The following TINAG variants were observed in gnomAD, a reference collection of about 807,000 sequenced individuals.
TINAG encodes tubulointerstitial nephritis antigen.
Under a neutral mutation model 72.7 loss-of-function variants are expected in TINAG, and 83 were observed. The ratio of observed to expected loss-of-function variants is 1.14; its 90% CI spans 0.96 to 1.37. The LOEUF is 1.37. Ranked by LOEUF, TINAG falls within the 40% of genes most tolerant of loss-of-function variation. The pLI is 0.00. For missense variants in TINAG, 685 were observed against 576.6 expected, an observed-to-expected ratio of 1.19 and a Z score of -1.93; for synonymous variants, 234 against 189.9, an observed-to-expected ratio of 1.23 and a Z score of -1.91.
In TINAG at chr6:54,326,921, G is replaced by T; in HGVS notation, c.624+5G>T. On this transcript the variant is annotated splice_donor_5th_base_variant and intron_variant, in intron 4 of 10. Coordinates refer to ENST00000259782, the MANE Select transcript of TINAG (RefSeq NM_014464.4). ...CTGAGCATGAATGAAATGACAGTAA[G>T]TGTTCCTTCTGATTCACGTATGTGC... is the stretch of plus-strand genomic sequence containing the variant. The T allele has an allele frequency of 6.2e-7, 1 of 1,613,220 alleles. No homozygotes were observed. Among genetic ancestry groups the T allele is most frequent in the Non-Finnish European group, 8.5e-7 (1 of 1,179,808 alleles).
intron 5 of TINAG, 50 bp from the exon 6 acceptor site, chr6:54,347,317 A>G (rs1222325641): frequency 1.6e-5 from 25 of 1,590,660 alleles, no homozygotes; most frequent in Non-Finnish European, 2.0e-5. Flanking sequence ...GTACCTTATT[A>G]GAAATACCGT....
intron 4 of TINAG, among the ~76,000 whole-genome samples, chr6:54,328,674 C>T (rs951202068): frequency 5.3e-5 from 8 of 151,942 alleles, no homozygotes; most frequent in East Asian, 2.0e-4. Context: ...CAAACTCCTC[C>T]GAGCTAAGGG....
intron 3 of TINAG, among the ~76,000 whole-genome samples, chr6:54,325,872 T>C (rs1784591490): frequency 1.3e-5 from 2 of 152,178 alleles, no homozygotes; most frequent in Admixed American, 1.3e-4. Context: ...CTTGTACAAA[T>C]TAAAAGCATT....
At chr6:54,350,115 A>G (rs1785228705) in intron 7 of TINAG, among the ~76,000 whole-genome samples, 1 of 152,062 alleles carries the variant, frequency 6.6e-6, no homozygotes, top group African/African-American at 2.4e-5. Flanking sequence ...TAAATTTTAA[A>G]ATGTCCAAGG....
intron 10 of TINAG, among the ~76,000 whole-genome samples, chr6:54,384,006 T>C (rs772405869): frequency 6.6e-5 from 10 of 152,160 alleles, no homozygotes; most frequent in Non-Finnish European, 8.8e-5. Context: ...ATATACACCA[T>C]AGAATACTAC....
Position 54,354,631 on chromosome 6 carries a change from C to T in TINAG, c.1245C>T (p.Leu415=). 1 of 1,606,704 alleles carries T rather than the reference C, an allele frequency of 6.2e-7. No homozygotes were observed. Among genetic ancestry groups the T allele is most frequent in the Admixed American group, 1.7e-5 (1 of 58,752 alleles). Residue 415 remains leucine, a synonymous_variant, in exon 9 of 11, where the codon CTC becomes CTT. Coordinates refer to ENST00000259782, the MANE Select transcript of TINAG (RefSeq NM_014464.4). ...AGCTTCAGACACATGCAGTCAAACTCACTGGGTAAGGCAATTAAACAAAAT... is the reference window on the plus strand; with the variant it reads ...AGCTTCAGACACATGCAGTCAAACTTACTGGGTAAGGCAATTAAACAAAAT... ...YRKLQTHAVK[L]TGWGTLRGAQ...
rs551159014 is a variant in TINAG, at chr6:54,359,013, C to G, written c.1250+4377C>G. ...GGAACGGTTTTGGTGAATGCCGTCT[C>G]AGCACCCATTTTTCTTCGGTACAGA... On this transcript the variant is annotated intron_variant, in intron 9 of 10. Coordinates refer to ENST00000259782, the MANE Select transcript of TINAG (RefSeq NM_014464.4). Among the ~76,000 whole-genome samples the G allele has an allele frequency of 3.9e-4, 59 of 151,924 alleles. 1 individual carries two copies. In the South Asian group the frequency reaches 0.01, roughly 27 times the overall value.
At chr6:54,354,439 C>G (rs572993004) in intron 8 of TINAG, 74 bp from the exon 9 acceptor site, 2 of 1,389,274 alleles carry the variant, frequency 1.4e-6, no homozygotes, top group Non-Finnish European at 1.9e-6. Context: ...TTGGTTGTTC[C>G]GTGAAATTTT....
intron 9 of TINAG, among the ~76,000 whole-genome samples, chr6:54,360,838 T>C (rs1763203556): frequency 1.6e-5 from 2 of 126,590 alleles, no homozygotes; most frequent in Non-Finnish European, 1.6e-5. Context: ...TCACAGATAC[T>C]GTGTTTTTTT....
Position 54,380,557 on chromosome 6 carries a change from A to G in TINAG, c.1282A>G (p.Lys428Glu), listed in dbSNP as rs1763916275. ...WGTLRGAQGQ[K>E]EKFWIAANSW... The stretch of plus-strand genomic sequence containing the variant: ...CACACTGAGAGGAGCACAAGGGCAG[A>G]AAGAAAAATTTTGGGTATGTAACTC... Residue 428 changes from lysine to glutamate, a missense_variant, in exon 10 of 11, where the codon AAA (lysine) becomes GAA (glutamate). Lys to Glu is a moderately conservative substitution (Grantham distance 56, BLOSUM62 1). Coordinates refer to ENST00000259782, the MANE Select transcript of TINAG (RefSeq NM_014464.4). 1.2e-6 allele frequency: 2 copies of G among 1,610,902 alleles called. No individual in the cohort carries two copies. The highest frequency in any genetic ancestry group is 1.3e-5 in the African/African-American group (1 of 74,906).
At chr6:54,337,603 A>G (rs536383861) in intron 4 of TINAG, among the ~76,000 whole-genome samples, 56 of 152,276 alleles carry the variant, frequency 3.7e-4, no homozygotes, top group African/African-American at 1.3e-3. Flanking sequence ...CTGAACAAAC[A>G]TCTCCTACCT....
chr6:54,340,793 T>C (rs926313670), intron 4 of TINAG, among the ~76,000 whole-genome samples: 1 of 152,158 alleles, frequency 6.6e-6, no homozygotes, highest in African/African-American at 2.4e-5. Context: ...TGCCTTGTCT[T>C]ATTGAGACGG....
upstream of TINAG, chr6:54,308,009 A>T: frequency 6.5e-7 from 1 of 1,544,926 alleles, no homozygotes; most frequent in Non-Finnish European, 8.8e-7. Context: ...CCAGTGTGTG[A>T]CTGGGCATGA....
chr6:54,363,236 G>T (rs945256912), intron 9 of TINAG, among the ~76,000 whole-genome samples: 3 of 151,610 alleles, frequency 2.0e-5, no homozygotes, highest in African/African-American at 7.3e-5. Flanking sequence ...TGTGGTTAAA[G>T]ATATAAAGAG....
At chr6:54,348,569 C>A (rs1284903541) in intron 6 of TINAG, among the ~76,000 whole-genome samples, 1 of 152,146 alleles carries the variant, frequency 6.6e-6, no homozygotes, top group Non-Finnish European at 1.5e-5. Flanking sequence ...TTCAGATGGA[C>A]ACCTTCTCAC....
chr6:54,354,468 G>T, intron 8 of TINAG, 45 bp from the exon 9 acceptor site: 1 of 1,516,158 alleles, frequency 6.6e-7, no homozygotes, highest in African/African-American at 1.4e-5. Context: ...TTTTAAAGAT[G>T]ATATTTTAAT....
At chr6:54,341,795 T>C (rs901531067) in intron 4 of TINAG, among the ~76,000 whole-genome samples, 6 of 152,276 alleles carry the variant, frequency 3.9e-5, no homozygotes, top group East Asian at 1.9e-4. Context: ...ATTAGCCATA[T>C]ATTTCTGATA....
intron 1 of TINAG, 99 bp downstream of exon 1, chr6:54,309,004 A>T: frequency 1.9e-6 from 2 of 1,074,756 alleles, no homozygotes; most frequent in Non-Finnish European, 2.7e-6. Flanking sequence ...CCTTCTTTCA[A>T]TGAAATGAAA....
At chr6:54,338,800 T>C (rs1031145512) in intron 4 of TINAG, among the ~76,000 whole-genome samples, 1 of 145,922 alleles carries the variant, frequency 6.9e-6, no homozygotes, top group South Asian at 2.2e-4. Context: ...TGAAATAAAA[T>C]ATTTTGCACT....
Sources: gnomAD v4.1 joint callset for allele counts (sites outside exome capture counted in the v4.1 genomes callset) on GRCh38, gnomAD v4.1.1 for gene constraint, MANE v1.5 for transcripts, NCBI Gene and HGNC (gene_info 2026-07-23, HGNC 2026-07-21) for gene names.